Variants in LRRC61 observed in about 807,000 individuals in gnomAD.
LRRC61 encodes the protein leucine-rich repeat-containing protein 61.
A neutral mutation model predicts 15.1 loss-of-function variants in LRRC61; 9 were observed. The observed-to-expected ratio is 0.60, with a 90% CI of 0.36 to 1.04. The LOEUF is 1.04. Among genes scored for constraint, LRRC61 ranks in the 50% least tolerant of loss-of-function variants. The pLI, the probability that LRRC61 is intolerant of heterozygous loss-of-function variation, is 0.01. For synonymous variants in LRRC61, 173 were observed against 158.6 expected (o/e 1.09, Z -0.68); for missense variants, 344 against 335.6 (o/e 1.03, Z -0.20).
chr7:150,320,763 C>CAAAACA (rs988902362), upstream of LRRC61, among the ~76,000 whole-genome samples: 2 of 152,036 alleles, frequency 1.3e-5, no homozygotes, highest in South Asian at 4.2e-4. Flanking sequence ...ACTCCATCTC[C>CAAAACA]AAAACAAAAA....
At chr7:150,325,355 A>G (rs916550970) in intron 1 of LRRC61, among the ~76,000 whole-genome samples, 4 of 152,330 alleles carry the variant, frequency 2.6e-5, no homozygotes, top group East Asian at 1.9e-4. Flanking sequence ...ATGATCGACT[A>G]TGGGCAGGCG....
chr7:150,336,875 C>G lies in LRRC61; in HGVS notation c.14C>G (p.Ala5Gly), dbSNP rs746962899. Residue 5 changes from alanine to glycine, a missense_variant, in exon 3 of 3, where the codon GCG (alanine) becomes GGG (glycine). Coordinates refer to ENST00000359623, the MANE Select transcript of LRRC61 (RefSeq NM_001142928.2). MDPP[A>G]EKPGEAGGLQ... ...GACTTCCATCTCATGGACCCTCCAG[C>G]GGAGAAGCCGGGAGAGGCTGGCGGA... 1 of 1,612,042 alleles carries G rather than the reference C, an allele frequency of 6.2e-7. No individual in the cohort carries two copies. Among genetic ancestry groups the G allele is most frequent in the Non-Finnish European group, 8.5e-7 (1 of 1,178,972 alleles).
chr7:150,331,097 C>A (rs755592769), intron 2 of LRRC61: 2 of 1,610,298 alleles, frequency 1.2e-6, no homozygotes, highest in Non-Finnish European at 1.7e-6. Flanking sequence ...GTCTTACCCC[C>A]CACAGGAGCC....
chr7:150,337,674 T>G lies in LRRC61; in HGVS notation c.*33T>G, dbSNP rs1585051664. On this transcript the variant is annotated 3_prime_UTR_variant, in exon 3 of 3. Coordinates refer to ENST00000359623, the MANE Select transcript of LRRC61 (RefSeq NM_001142928.2). ...CTATGGCCCAGGACAGCCTGGCAGG[T>G]GGCCTCGCTGCCCCCAGTTCCCCTC... is the stretch of plus-strand genomic sequence containing the variant. The G allele has an allele frequency of 1.3e-6, 2 of 1,513,778 alleles. No individual in the cohort carries two copies. Among genetic ancestry groups the G allele is most frequent in the South Asian group, 2.7e-5 (2 of 74,684 alleles). 93.8% of individuals were successfully genotyped at this position (1,513,778 alleles called of 1,614,324 possible). A position where few individuals can be genotyped will look rare whatever the true frequency, so the allele number is the denominator to read the frequency against.
intron 2 of LRRC61, among the ~76,000 whole-genome samples, chr7:150,326,301 A>G (rs193266008): frequency 7.4e-4 from 112 of 152,374 alleles, no homozygotes; most frequent in African/African-American, 2.4e-3. Context: ...GAGTATCTGC[A>G]GAGTATAGCA....
At chr7:150,331,090 T>C (rs757819346) in intron 2 of LRRC61, 2 of 1,613,032 alleles carry the variant, frequency 1.2e-6, no homozygotes, top group South Asian at 2.2e-5. Context: ...TCTATCTGTC[T>C]TACCCCCCAC....
chr7:150,314,867 A>G, the LRRC61 span, among the ~76,000 whole-genome samples: 9 of 149,972 alleles, frequency 6.0e-5, no homozygotes, highest in East Asian at 1.7e-3. Context: ...CGAGCGGCTC[A>G]CTTGAACCCC....
chr7:150,310,600 A>G, the LRRC61 span, among the ~76,000 whole-genome samples: 1 of 151,276 alleles, frequency 6.6e-6, no homozygotes, highest in Non-Finnish European at 1.5e-5. Context: ...TCGACCTCAA[A>G]GATGCCTTCT....
chr7:150,331,119 C>G, intron 2 of LRRC61: 1 of 1,606,374 alleles, frequency 6.2e-7, no homozygotes, highest in Non-Finnish European at 8.5e-7. Flanking sequence ...TCTCTGAAAG[C>G]ATCTTTGCCT....
rs1417543658 is a variant in LRRC61 at position 150,333,388 on chromosome 7, C to G, written c.-144-3330C>G. Among the ~76,000 whole-genome samples, 1 of 152,210 alleles carries G rather than the reference C, an allele frequency of 6.6e-6. No homozygotes were observed. The highest frequency in any genetic ancestry group is 2.4e-5 in the African/African-American group (1 of 41,456). ...GTGGACAAAGGCCAGGGATGCTGCT[C>G]AGCACCCTCCAATGTGCAGGACGGC... On this transcript the variant is annotated intron_variant, in intron 2 of 2. Coordinates refer to ENST00000359623, the MANE Select transcript of LRRC61 (RefSeq NM_001142928.2). The surrounding 1 kb of genome is among the most constrained non-coding windows in gnomAD (Gnocchi z 4.3).
Position 150,330,332 on chromosome 7 carries a change from G to A in LRRC61, c.-145+4322G>A, listed in dbSNP as rs902997099. 5.4e-6 allele frequency: 4 copies of A among 736,320 alleles called. No homozygotes were observed. The highest frequency in any genetic ancestry group is 9.9e-6 in the Non-Finnish European group (4 of 403,230). 45.6% of individuals were successfully genotyped at this position (736,320 alleles called of 1,614,324 possible). On this transcript the variant is annotated intron_variant, in intron 2 of 2. Transcript: ENST00000359623. This position sits in a 1 kb window ranked among gnomAD's most constrained non-coding sequence, Gnocchi z 4.6. ...ACAAGGGCAGGCACCAGCTGGGGAA[G>A]GCTGGTGTTGCCTTGTCGGCCACAT...
chr7:150,314,401 C>T, the LRRC61 span, among the ~76,000 whole-genome samples: 1 of 151,988 alleles, frequency 6.6e-6, no homozygotes, highest in Non-Finnish European at 1.5e-5. Context: ...AGAACACTGG[C>T]TTATAGAAGA....
At chr7:150,331,261 G>A in intron 2 of LRRC61, 1 of 810,218 alleles carries the variant, frequency 1.2e-6, no homozygotes, top group Non-Finnish European at 1.9e-6. Context: ...CTGCTCTAGT[G>A]GTGACCTGGC....
intron 2 of LRRC61, 82 bp downstream of exon 2, chr7:150,326,092 C>T (rs759360954): frequency 2.0e-5 from 3 of 152,242 alleles, no homozygotes; most frequent in Non-Finnish European, 4.4e-5. Flanking sequence ...GGGGGCCCCC[C>T]AGGGATCCCT....
chr7:150,316,873 A>AG, the LRRC61 span, among the ~76,000 whole-genome samples: 1 of 152,166 alleles, frequency 6.6e-6, no homozygotes, highest in African/African-American at 2.4e-5. Context: ...GATATCTTTT[A>AG]GATATTTAGT....
the LRRC61 span, among the ~76,000 whole-genome samples, chr7:150,314,885 G>A: frequency 1.3e-5 from 2 of 149,616 alleles, no homozygotes; most frequent in East Asian, 3.9e-4. Context: ...CCCGGAGGTC[G>A]AGGCTGCAGT....
rs1798364574 is a variant in LRRC61 at position 150,337,930 on chromosome 7, T to G, written c.*289T>G. 1.2e-5 allele frequency: 6 copies of G among 497,358 alleles called. No homozygotes were observed. The highest frequency in any genetic ancestry group is 7.4e-5 in the East Asian group (2 of 26,888). The allele number at this position is 497,358 out of a possible 1,614,324, so 30.8% of individuals were successfully genotyped here. A position where few individuals can be genotyped will look rare whatever the true frequency, so the allele number is the denominator to read the frequency against. On this transcript the variant is annotated 3_prime_UTR_variant, in exon 3 of 3. Coordinates refer to ENST00000359623, the MANE Select transcript of LRRC61 (RefSeq NM_001142928.2). Reference sequence around the variant, plus strand: ...CCTGCAACTTAGTGGAAGGAATTACTTCCTCCTGAGGCTACAGGCGAGAAA... The same window carrying G: ...CCTGCAACTTAGTGGAAGGAATTACGTCCTCCTGAGGCTACAGGCGAGAAA...
the LRRC61 span, among the ~76,000 whole-genome samples, chr7:150,313,025 C>A: frequency 1.3e-5 from 2 of 152,204 alleles, no homozygotes; most frequent in Non-Finnish European, 2.9e-5. Flanking sequence ...GATTAATTGA[C>A]CTTGTGACAT....
chr7:150,332,595 A>G (rs1798145068), intron 2 of LRRC61: 1 of 167,132 alleles, frequency 6.0e-6, no homozygotes, highest in African/African-American at 2.4e-5. Flanking sequence ...GATAGCCTCT[A>G]TCAATAGTTT....
Sources: gnomAD v4.1 joint callset for allele counts (sites outside exome capture counted in the v4.1 genomes callset) on GRCh38, gnomAD v4.1.1 for gene constraint, Gnocchi (gnomAD v3.1) non-coding constraint, MANE v1.5 for transcripts, NCBI Gene and HGNC (gene_info 2026-07-23, HGNC 2026-07-21) for gene names.